The following STARD6 variants were observed in gnomAD, a reference collection of about 807,000 sequenced individuals.
The protein encoded by STARD6 is stAR-related lipid transfer protein 6.
Under a neutral mutation model 22.3 loss-of-function variants are expected in STARD6, and 21 were observed. The ratio of observed to expected loss-of-function variants is 0.94; its 90% CI spans 0.67 to 1.35. The LOEUF (loss-of-function observed/expected upper bound fraction) is 1.35. Ranked by LOEUF, STARD6 falls within the 40% of genes most tolerant of loss-of-function variation. The pLI, the probability that STARD6 is intolerant of heterozygous loss-of-function variation, is 0.00. For synonymous variants in STARD6, 80 were observed against 88.1 expected (o/e 0.91, Z 0.52); for missense variants, 269 against 266.9 (o/e 1.01, Z -0.05).
intron 2 of STARD6, chr18:54,355,958 A>G (rs2089138866): frequency 6.6e-6 from 1 of 152,214 alleles, no homozygotes; most frequent in South Asian, 2.1e-4. Context: ...CAACTTCCAT[A>G]TCTATAGAAT....
chr18:54,353,275 A>G (rs1417824924), intron 4 of STARD6, among the ~76,000 whole-genome samples: 2 of 152,232 alleles, frequency 1.3e-5, no homozygotes, highest in African/African-American at 2.4e-5. Flanking sequence ...ATTAAGCTAA[A>G]AAAAGTCAAT....
At chr18:54,349,055 T>C (rs941258774) in intron 4 of STARD6, among the ~76,000 whole-genome samples, 3 of 152,176 alleles carry the variant, frequency 2.0e-5, no homozygotes, top group African/African-American at 7.2e-5. Context: ...GTGATTTATT[T>C]CTAGTCTGGT....
At chr18:54,339,132 A>T (rs1414922707) in intron 4 of STARD6, among the ~76,000 whole-genome samples, 1 of 150,856 alleles carries the variant, frequency 6.6e-6, no homozygotes, top group East Asian at 1.9e-4. Context: ...AGCAGGAAAA[A>T]AAAAAGGTAG....
At chr18:54,339,044 C>CAAAA (rs760501311) in intron 4 of STARD6, among the ~76,000 whole-genome samples, 1 of 10,406 alleles carries the variant, frequency 9.6e-5, no homozygotes, top group African/African-American at 2.1e-4. Flanking sequence ...GAGACTCCAT[C>CAAAA]AAAAAAAAAA....
chr18:54,345,348 A>G (rs1450194092), intron 4 of STARD6, among the ~76,000 whole-genome samples: 6 of 151,978 alleles, frequency 3.9e-5, no homozygotes, highest in Non-Finnish European at 2.9e-5. Context: ...TTAGAGTAAA[A>G]TAAAAAAAAA....
chr18:54,347,285 G>C (rs1243989906), intron 4 of STARD6, among the ~76,000 whole-genome samples: 6 of 151,910 alleles, frequency 3.9e-5, no homozygotes, highest in Non-Finnish European at 7.4e-5. Context: ...TTATAAACTA[G>C]TCTTTAGCAA....
intron 4 of STARD6, 69 bp downstream of exon 4, chr18:54,353,985 A>C: frequency 1.1e-6 from 1 of 889,884 alleles, no homozygotes; most frequent in South Asian, 1.8e-5. Context: ...ATGAAGCAGC[A>C]CTGAAATTCC....
intron 7 of STARD6, among the ~76,000 whole-genome samples, chr18:54,325,900 A>T (rs2088821035): frequency 6.6e-6 from 1 of 152,178 alleles, no homozygotes; most frequent in Non-Finnish European, 1.5e-5. Flanking sequence ...AGGTTTGTGC[A>T]TTAAGGTTTT....
chr18:54,351,906 T>C (rs1318909851), intron 4 of STARD6, among the ~76,000 whole-genome samples: 2 of 148,816 alleles, frequency 1.3e-5, no homozygotes, highest in Non-Finnish European at 3.0e-5. Context: ...TCCGTTTTTT[T>C]TTTTTTTTTT....
chr18:54,331,446 A>G (rs530183957), intron 6 of STARD6, among the ~76,000 whole-genome samples: 9 of 152,308 alleles, frequency 5.9e-5, no homozygotes, highest in African/African-American at 1.7e-4. Context: ...TTTGTTTCTT[A>G]GGATTTAAAA....
At chr18:54,345,349 TA>T (rs58090225) in intron 4 of STARD6, among the ~76,000 whole-genome samples, 2,028 of 151,120 alleles carry the variant, frequency 0.013, 47 homozygotes, top group African/African-American at 0.04. Context: ...TAGAGTAAAA[TA>T]AAAAAAAATA....
At chr18:54,339,816 T>C (rs540039344) in intron 4 of STARD6, among the ~76,000 whole-genome samples, 25 of 152,304 alleles carry the variant, frequency 1.6e-4, no homozygotes, top group Non-Finnish European at 2.5e-4. Flanking sequence ...ATGTAGCTAA[T>C]GTTACAATAC....
chr18:54,327,462 A>G (rs1360342788), intron 7 of STARD6, among the ~76,000 whole-genome samples: 1 of 152,166 alleles, frequency 6.6e-6, no homozygotes, highest in Non-Finnish European at 1.5e-5. Context: ...TGTGAGTTCA[A>G]GGAGGAAAGG....
intron 4 of STARD6, among the ~76,000 whole-genome samples, chr18:54,339,044 CAAAAAAAAAAAAAA>C (rs760501311): frequency 4.8e-4 from 5 of 10,412 alleles, no homozygotes; most frequent in African/African-American, 8.2e-4. Flanking sequence ...GAGACTCCAT[CAAAAAAAAAAAAAA>C]AAAAAAAAAA....
At chr18:54,334,446 CT>C (rs1483459587) in intron 5 of STARD6, among the ~76,000 whole-genome samples, 1 of 152,112 alleles carries the variant, frequency 6.6e-6, no homozygotes, top group Non-Finnish European at 1.5e-5. Flanking sequence ...ACTTCTCCCC[CT>C]GACCTTTGAG....
intron 5 of STARD6, among the ~76,000 whole-genome samples, chr18:54,332,505 G>C (rs1435214595): frequency 6.6e-6 from 1 of 152,160 alleles, no homozygotes. Context: ...TCTTCTACAG[G>C]AACTGGGGCT....
intron 4 of STARD6, among the ~76,000 whole-genome samples, chr18:54,337,721 C>G (rs1215783619): frequency 1.3e-5 from 2 of 152,204 alleles, no homozygotes; most frequent in Admixed American, 1.3e-4. Context: ...GTCTGTCCCT[C>G]TACTGAAAAA....
intron 4 of STARD6, among the ~76,000 whole-genome samples, chr18:54,350,982 T>C (rs542932771): frequency 2.7e-4 from 41 of 152,310 alleles, no homozygotes; most frequent in South Asian, 1.9e-3. Flanking sequence ...TTTGGTTCCA[T>C]ACGAATTTTA....
At chr18:54,337,388 C>A (rs2088925659) in intron 4 of STARD6, 137 bp from the exon 5 acceptor site, 3 of 645,716 alleles carry the variant, frequency 4.6e-6, no homozygotes, top group South Asian at 6.0e-5. Flanking sequence ...ATCAGCAATT[C>A]AATATATTAA....
Sources: allele counts gnomAD v4.1 joint callset (sites outside exome capture counted in the v4.1 genomes callset), GRCh38; gene constraint gnomAD v4.1.1; transcripts MANE v1.5; gene names NCBI Gene and HGNC (gene_info 2026-07-23, HGNC 2026-07-21).